The following LUC7L3 variants were observed in gnomAD, a reference collection of about 807,000 sequenced individuals.
LUC7L3 encodes the protein LUC7 like 3 pre-mRNA splicing factor.
A neutral mutation model predicts 66.8 loss-of-function variants in LUC7L3; 6 were observed. The ratio of observed to expected loss-of-function variants is 0.09; its 90% CI spans 0.05 to 0.18. The LOEUF is 0.18. LUC7L3 is among the 10% of genes least tolerant of loss of function. The pLI, the probability that LUC7L3 is intolerant of heterozygous loss-of-function variation, is 1.00. For synonymous variants in LUC7L3, 160 were observed against 174.7 expected (o/e 0.92, Z 0.66); for missense variants, 341 against 531.1 (o/e 0.64, Z 3.52).
Position 50,719,679 on chromosome 17 carries a change from G to A in LUC7L3, c.-54G>A. 1 of 1,474,072 alleles carries A rather than the reference G, an allele frequency of 6.8e-7. No homozygotes were observed. Among genetic ancestry groups the A allele is most frequent in the Non-Finnish European group, 9.4e-7 (1 of 1,064,762 alleles). The allele number at this position is 1,474,072 out of a possible 1,614,324, so 91.3% of individuals were successfully genotyped here. A position where few individuals can be genotyped will look rare whatever the true frequency, so the allele number is the denominator to read the frequency against. On this transcript the variant is annotated 5_prime_UTR_variant, in exon 1 of 10. Transcript: ENST00000505658. ...GGAGATTGGCGACGGTGTCGCCCGT[G>A]TTTTCGTTGGCGGGTGCCTGGGCTG...
Position 50,744,640 on chromosome 17 carries a change from T to C in LUC7L3, c.532-12T>C. The stretch of plus-strand genomic sequence containing the variant: ...CTCAGATGTTCTTAAAATAACTGAT[T>C]TATCATTTTAGACAATTGAAAGCTT... On this transcript the variant is annotated splice_polypyrimidine_tract_variant and intron_variant, in intron 6 of 9. Coordinates refer to ENST00000505658, the MANE Select transcript of LUC7L3 (RefSeq NM_016424.5). 6.2e-7 allele frequency: 1 copy of C among 1,602,356 alleles called. No individual in the cohort carries two copies. The highest frequency in any genetic ancestry group is 8.5e-7 in the Non-Finnish European group (1 of 1,175,944).
At chr17:50,720,973 G>GT (rs781638513) in intron 1 of LUC7L3, among the ~76,000 whole-genome samples, 1 of 152,056 alleles carries the variant, frequency 6.6e-6, no homozygotes, top group Non-Finnish European at 1.5e-5. Context: ...TAAGAGGTGG[G>GT]TTTTTTGTTT....
chr17:50,732,393 C>G (rs1969664741), intron 1 of LUC7L3, among the ~76,000 whole-genome samples: 1 of 152,000 alleles, frequency 6.6e-6, no homozygotes. Context: ...TTTATTACCT[C>G]CTTATTTATT....
At position 50,745,840 on chromosome 17, in the gene LUC7L3, AGAC is replaced by A; in HGVS notation, c.817_819del (p.Arg274del). 1 of 1,588,622 alleles carries A rather than the reference AGAC, an allele frequency of 6.3e-7. No individual in the cohort carries two copies. Among genetic ancestry groups the A allele is most frequent in the Non-Finnish European group, 8.6e-7 (1 of 1,161,480 alleles). On this transcript the variant is annotated inframe_deletion, in exon 8 of 10. Transcript: ENST00000505658. ...AGAAAGGGAAGAAAGAGAAAGGAAA[AGAC>A]GAAGGGAAGAGGAAGAAAGAGAAAA... is the stretch of plus-strand genomic sequence containing the variant.
chr17:50,719,711 A>C lies in LUC7L3; in HGVS notation c.-22A>C, dbSNP rs1451823648. On this transcript the variant is annotated 5_prime_UTR_variant, in exon 1 of 10. Coordinates refer to ENST00000505658, the MANE Select transcript of LUC7L3 (RefSeq NM_016424.5). Reference sequence around the variant, plus strand: ...TTGGCGGGTGCCTGGGCTGGTGGGAACAGCCGCCCGAAGGAAGCACCATGA... The same window carrying C: ...TTGGCGGGTGCCTGGGCTGGTGGGACCAGCCGCCCGAAGGAAGCACCATGA... 1.9e-6 allele frequency: 3 copies of C among 1,597,652 alleles called. No individual in the cohort carries two copies. The highest frequency in any genetic ancestry group is 2.7e-5 in the African/African-American group (2 of 74,434).
intron 7 of LUC7L3, 139 bp from the exon 8 acceptor site, chr17:50,745,581 C>A: frequency 1.6e-6 from 1 of 621,710 alleles, no homozygotes. Context: ...TGTGTATATA[C>A]ATGGTGTTGG....
rs529275655 is a variant in LUC7L3 at position 50,752,323 on chromosome 17, TTTATTA to T, written c.*1675_*1680del. ...AAAAGTATAAAGCTCAGTTAGTTTT[TTTATTA>T]TTATTATTATTAAAAGTTAATTCAG... On this transcript the variant is annotated 3_prime_UTR_variant, in exon 10 of 10. Coordinates refer to ENST00000505658, the MANE Select transcript of LUC7L3 (RefSeq NM_016424.5). 1.7e-5 allele frequency: 14 copies of T among 810,412 alleles called. No homozygotes were observed. The highest frequency in any genetic ancestry group is 5.2e-5 in the South Asian group (3 of 57,244). The allele number at this position is 810,412 out of a possible 1,614,324, so 50.2% of individuals were successfully genotyped here.
intron 7 of LUC7L3, 100 bp from the exon 8 acceptor site, chr17:50,745,620 A>G (rs554308033): frequency 6.3e-5 from 53 of 841,084 alleles, no homozygotes; most frequent in African/African-American, 4.1e-4. Flanking sequence ...AAGGGCATCA[A>G]TTCCATAAGT....
chr17:50,719,645 G>C lies in LUC7L3; in HGVS notation c.-88G>C. 2 of 1,123,878 alleles carry C rather than the reference G, an allele frequency of 1.8e-6. No homozygotes were observed. The highest frequency in any genetic ancestry group is 2.6e-6 in the Non-Finnish European group (2 of 763,540). The allele number at this position is 1,123,878 out of a possible 1,614,324, so 69.6% of individuals were successfully genotyped here. On this transcript the variant is annotated 5_prime_UTR_variant, in exon 1 of 10. Transcript: ENST00000505658. ...GTGTAGGAGGGATTTCGGCCTGAGA[G>C]CGGGCCGAGGAGATTGGCGACGGTG...
At chr17:50,743,584 G>A (rs1970485472) in intron 5 of LUC7L3, 122 bp from the exon 6 acceptor site, 1 of 633,960 alleles carries the variant, frequency 1.6e-6, no homozygotes, top group Non-Finnish European at 2.8e-6. Flanking sequence ...AACCCAAAGA[G>A]GCTTTTGTAA....
chr17:50,736,384 G>A (rs1289517597), intron 1 of LUC7L3, among the ~76,000 whole-genome samples: 1 of 152,162 alleles, frequency 6.6e-6, no homozygotes, highest in Non-Finnish European at 1.5e-5. Flanking sequence ...CTTGGAGCCA[G>A]GAGTTTGAGA....
intron 1 of LUC7L3, among the ~76,000 whole-genome samples, chr17:50,721,908 T>C (rs993673954): frequency 6.9e-6 from 1 of 145,540 alleles, no homozygotes; most frequent in African/African-American, 2.5e-5. Context: ...GGGGCCCTTG[T>C]TTTTTTTTTT....
intron 5 of LUC7L3, among the ~76,000 whole-genome samples, chr17:50,742,738 T>C (rs960966766): frequency 6.6e-6 from 1 of 152,130 alleles, no homozygotes; most frequent in African/African-American, 2.4e-5. Flanking sequence ...TGAAAACATA[T>C]GTCTACACAA....
chr17:50,751,707 A>G lies in LUC7L3; in HGVS notation c.*1046A>G, dbSNP rs1970981099. The G allele has an allele frequency of 1.4e-5, 15 of 1,057,334 alleles. No homozygotes were observed. Among genetic ancestry groups the G allele is most frequent in the Non-Finnish European group, 1.6e-5 (14 of 871,800 alleles). 65.5% of individuals were successfully genotyped at this position (1,057,334 alleles called of 1,614,324 possible). A position where few individuals can be genotyped will look rare whatever the true frequency, so the allele number is the denominator to read the frequency against. ...TGTGTAGGAGAATTTGCAGTCAGCC[A>G]TAGGTATGTAGGAATAGTCACTCAC... On this transcript the variant is annotated 3_prime_UTR_variant, in exon 10 of 10. Coordinates refer to ENST00000505658, the MANE Select transcript of LUC7L3 (RefSeq NM_016424.5).
chr17:50,722,492 G>C (rs938707228), intron 1 of LUC7L3: 1 of 151,986 alleles, frequency 6.6e-6, no homozygotes, highest in Non-Finnish European at 1.5e-5. Context: ...CACCGCGCCC[G>C]GCCGGCTCCT....
intron 1 of LUC7L3, among the ~76,000 whole-genome samples, chr17:50,724,611 T>TTTTGTGTG (rs112805672): frequency 6.8e-6 from 1 of 147,170 alleles, no homozygotes; most frequent in Non-Finnish European, 1.5e-5. Context: ...TTTAGGAAAA[T>TTTTGTGTG]TGTGTGTGTG....
chr17:50,746,246 G>A (rs1970659674), intron 8 of LUC7L3, among the ~76,000 whole-genome samples: 1 of 152,060 alleles, frequency 6.6e-6, no homozygotes, highest in Non-Finnish European at 1.5e-5. Flanking sequence ...GTACCTGATG[G>A]TCTCTTAAGT....
Position 50,751,719 on chromosome 17 carries a change from G to C in LUC7L3, c.*1058G>C, listed in dbSNP as rs565051300. The C allele has an allele frequency of 2.8e-4, 296 of 1,044,704 alleles. No homozygotes were observed. In the African/African-American group the frequency reaches 4.8e-3, roughly 17 times the overall value. 64.7% of individuals were successfully genotyped at this position (1,044,704 alleles called of 1,614,324 possible). ...TTTGCAGTCAGCCATAGGTATGTAG[G>C]AATAGTCACTCACTGGCTGATACAT... is the stretch of plus-strand genomic sequence containing the variant. On this transcript the variant is annotated 3_prime_UTR_variant, in exon 10 of 10. Coordinates refer to ENST00000505658, the MANE Select transcript of LUC7L3 (RefSeq NM_016424.5).
intron 9 of LUC7L3, among the ~76,000 whole-genome samples, chr17:50,748,870 G>A (rs143312382): frequency 6.2e-4 from 81 of 130,610 alleles, no homozygotes; most frequent in African/African-American, 2.7e-3. Context: ...GTGTGCAGAT[G>A]AGTGAATTTA....
Sources: gnomAD v4.1 joint callset for allele counts (sites outside exome capture counted in the v4.1 genomes callset) on GRCh38, gnomAD v4.1.1 for gene constraint, MANE v1.5 for transcripts, NCBI Gene and HGNC (gene_info 2026-07-23, HGNC 2026-07-21) for gene names.